The following MORC1 variants were observed in gnomAD, a reference collection of about 807,000 sequenced individuals.
MORC1 encodes MORC family CW-type zinc finger protein 1.
In MORC1, 59 loss-of-function variants were observed where a neutral mutation model predicts 134.9. That is an observed-to-expected ratio of 0.44 (90% confidence interval 0.35 to 0.54). The LOEUF (loss-of-function observed/expected upper bound fraction) is 0.54, where lower values mean the gene tolerates loss of function less well. Among genes scored for constraint, MORC1 ranks in the 20% least tolerant of loss-of-function variants. The pLI is 0.00. For synonymous variants in MORC1, 395 were observed against 391.7 expected (o/e 1.01, Z -0.10); for missense variants, 947 against 1,134.5 (o/e 0.83, Z 2.37).
At chr3:108,990,594 C>T (rs1014228257) in intron 21 of MORC1, among the ~76,000 whole-genome samples, 1 of 152,128 alleles carries the variant, frequency 6.6e-6, no homozygotes, top group African/African-American at 2.4e-5. Context: ...CTTTTTCTCC[C>T]TAATACTTGT....
chr3:108,990,614 C>T (rs1339969977), intron 21 of MORC1, among the ~76,000 whole-genome samples: 4 of 152,126 alleles, frequency 2.6e-5, no homozygotes, highest in Non-Finnish European at 4.4e-5. Context: ...TCATTATCTA[C>T]CATACACCAT....
At chr3:109,002,449 G>A (rs1289778027) in intron 20 of MORC1, among the ~76,000 whole-genome samples, 1 of 152,190 alleles carries the variant, frequency 6.6e-6, no homozygotes, top group Non-Finnish European at 1.5e-5. Flanking sequence ...CCTCCCCAAG[G>A]AAGACAGATA....
At chr3:109,106,357 T>C (rs1951035714) in intron 3 of MORC1, among the ~76,000 whole-genome samples, 1 of 152,198 alleles carries the variant, frequency 6.6e-6, no homozygotes, top group Non-Finnish European at 1.5e-5. Context: ...AGACATATAC[T>C]ACAGTATCTC....
intron 16 of MORC1, among the ~76,000 whole-genome samples, chr3:109,031,451 A>T (rs2107606372): frequency 6.6e-6 from 1 of 152,302 alleles, no homozygotes; most frequent in African/African-American, 2.4e-5. Context: ...AACTCTAAAT[A>T]CAATCCTAGA....
intron 21 of MORC1, among the ~76,000 whole-genome samples, chr3:108,988,651 C>T (rs546575697): frequency 1.8e-4 from 27 of 152,196 alleles, no homozygotes; most frequent in African/African-American, 6.0e-4. Context: ...TATTTAATGT[C>T]TTTTCCTATA....
intron 15 of MORC1, 56 bp downstream of exon 15, chr3:109,035,284 C>T: frequency 6.8e-7 from 1 of 1,472,394 alleles, no homozygotes; most frequent in South Asian, 1.3e-5. Context: ...AACACAATGA[C>T]TTGCATATTT....
At chr3:109,070,429 C>T (rs1165361492) in intron 8 of MORC1, among the ~76,000 whole-genome samples, 8 of 152,122 alleles carry the variant, frequency 5.3e-5, no homozygotes, top group South Asian at 4.1e-4. Flanking sequence ...TTTGGGAAAT[C>T]GCCATGTCAT....
At position 109,012,782 on chromosome 3, in the gene MORC1, T is replaced by C. The variant is rs563059193; in HGVS notation, c.1705-5691A>G. Among the ~76,000 whole-genome samples the C allele has an allele frequency of 4.6e-5, 7 of 152,374 alleles. No homozygotes were observed. In the East Asian group the frequency reaches 1.3e-3, roughly 29 times the overall value. ...TCCTGCAACCTTGCTAAAGCTCATTTCAGTAGTTCTAGTAACTTTCTGTAA... is the reference window on the plus strand; with the variant it reads ...TCCTGCAACCTTGCTAAAGCTCATTCCAGTAGTTCTAGTAACTTTCTGTAA... On this transcript the variant is annotated intron_variant, in intron 17 of 27. Coordinates refer to ENST00000232603, the MANE Select transcript of MORC1 (RefSeq NM_014429.4).
At chr3:109,022,684 G>A (rs1948987233) in intron 17 of MORC1, among the ~76,000 whole-genome samples, 1 of 152,110 alleles carries the variant, frequency 6.6e-6, no homozygotes, top group African/African-American at 2.4e-5. Flanking sequence ...TGCAGAAGTT[G>A]GTCAGCCTAA....
chr3:109,011,316 T>C (rs1346868879), intron 17 of MORC1, among the ~76,000 whole-genome samples: 4 of 152,220 alleles, frequency 2.6e-5, no homozygotes, highest in Admixed American at 6.5e-5. Flanking sequence ...TAGGTCAACA[T>C]AGCGTAATCA....
At chr3:109,095,461 A>G (rs1425424615) in intron 6 of MORC1, among the ~76,000 whole-genome samples, 1 of 152,208 alleles carries the variant, frequency 6.6e-6, no homozygotes, top group East Asian at 1.9e-4. Context: ...TGTAATTCTC[A>G]GGGACTGATG....
At chr3:109,043,966 C>A (rs3804683) in intron 14 of MORC1, among the ~76,000 whole-genome samples, 1 of 151,938 alleles carries the variant, frequency 6.6e-6, no homozygotes, top group Admixed American at 6.6e-5. Flanking sequence ...CAAGATAGGT[C>A]GATTAAAAAA....
Position 109,035,362 on chromosome 3 carries a change from A to G in MORC1, c.1437T>C (p.Gly479=). 4 of 1,590,962 alleles carry G rather than the reference A, an allele frequency of 2.5e-6. No individual in the cohort carries two copies. The highest frequency in any genetic ancestry group is 3.4e-6 in the Non-Finnish European group (4 of 1,168,270). ...CACCACATTGTATGATGAATGGGAT[A>G]CCCATGGCTTGTCTTCTTTGATATT... is the stretch of plus-strand genomic sequence containing the variant. ...SFQYQRRQAM[G]IPFIIQCDLC... The change falls in exon 15 of 28, where the codon GGT becomes GGC. Residue 479 remains glycine (G), a synonymous_variant. Transcript: ENST00000232603.
rs1260921221 is a variant in MORC1 at position 109,057,467 on chromosome 3, T to C, written c.1051A>G (p.Thr351Ala). Residue 351 changes from threonine (T) to alanine (A), a missense_variant, in exon 13 of 28, where the codon ACG (threonine) becomes GCG (alanine). Around this residue, in one of 3 missense-constraint regions of MORC1, gnomAD observed 722 missense variants for 817.0 expected, o/e 0.88. Transcript: ENST00000232603. ...EKQRELKTAR[T>A]LSLFYGVNVE... ...TTCACTCCATAGAACAGGGAGAGCG[T>C]TCTTGCTGTTTTTAATTCTCTAGAG... 6.3e-7 allele frequency: 1 copy of C among 1,597,708 alleles called. No homozygotes were observed. Among genetic ancestry groups the C allele is most frequent in the Non-Finnish European group, 8.5e-7 (1 of 1,173,610 alleles).
chr3:108,985,124 A>G lies in MORC1; in HGVS notation c.2258-342T>C, dbSNP rs146000267. ...CTACCAAGACAACCATCTTCCCCCA[A>G]TAACCCACTCTCTCCTATTTGGGGT... On this transcript the variant is annotated intron_variant, in intron 22 of 27. Transcript: ENST00000232603. 4.6e-4 allele frequency among the ~76,000 whole-genome samples: 70 copies of G among 152,258 alleles called. No individual in the cohort carries two copies. The East Asian group carries it at 0.012, about 25-fold the overall frequency.
At chr3:109,019,829 C>T (rs190073583) in intron 17 of MORC1, among the ~76,000 whole-genome samples, 161 of 152,234 alleles carry the variant, frequency 1.1e-3, no homozygotes, top group African/African-American at 3.8e-3. Flanking sequence ...TAGGTTCCTA[C>T]AGTTACAGGA....
chr3:109,081,590 G>A (rs1024979993), intron 8 of MORC1, among the ~76,000 whole-genome samples: 1 of 151,922 alleles, frequency 6.6e-6, no homozygotes, highest in Non-Finnish European at 1.5e-5. Context: ...GAATAGCTAG[G>A]ACTACAGGCA....
intron 13 of MORC1, among the ~76,000 whole-genome samples, chr3:109,055,198 G>C (rs964992210): frequency 2.0e-5 from 3 of 152,174 alleles, no homozygotes; most frequent in African/African-American, 7.2e-5. Context: ...AAAAACCATG[G>C]TGCCTTACTG....
intron 24 of MORC1, among the ~76,000 whole-genome samples, chr3:108,976,655 AT>A (rs1333997664): frequency 6.6e-6 from 1 of 152,150 alleles, no homozygotes; most frequent in Non-Finnish European, 1.5e-5. Context: ...TTCTGTCCAA[AT>A]TTTTTTATCA....
Sources: allele counts gnomAD v4.1 joint callset (sites outside exome capture counted in the v4.1 genomes callset), GRCh38; gene constraint gnomAD v4.1.1; regional missense constraint gnomAD v4.1.1; transcripts MANE v1.5; gene names NCBI Gene and HGNC (gene_info 2026-07-23, HGNC 2026-07-21).